The following CACNB2 variants were observed in gnomAD, a reference collection of about 807,000 sequenced individuals.
CACNB2 encodes calcium voltage-gated channel auxiliary subunit beta 2, also known as voltage-dependent L-type calcium channel subunit beta-2.
Under a neutral mutation model 73.3 loss-of-function variants are expected in CACNB2, and 42 were observed. The observed-to-expected ratio is 0.57, with a 90% CI of 0.45 to 0.74. CACNB2 has a LOEUF of 0.74. Among genes scored for constraint, CACNB2 ranks in the 30% least tolerant of loss-of-function variants. CACNB2 has a pLI of 0.00. For missense variants in CACNB2, 940 were observed against 853.0 expected (o/e 1.10, Z -1.27); for synonymous variants, 348 against 310.3 (o/e 1.12, Z -1.28).
chr10:18,221,534 C>T (rs2035793117), intron 2 of CACNB2, among the ~76,000 whole-genome samples: 1 of 152,050 alleles, frequency 6.6e-6, no homozygotes, highest in Non-Finnish European at 1.5e-5. Flanking sequence ...CAAAAGTTAG[C>T]TGGATGTGGT....
chr10:18,177,380 G>A (rs1303717351), intron 2 of CACNB2, among the ~76,000 whole-genome samples: 1 of 151,768 alleles, frequency 6.6e-6, no homozygotes, highest in South Asian at 2.1e-4. Context: ...AGCACTTTGG[G>A]AGGCCAAAGT....
At chr10:18,332,529 C>T (rs969057647) in intron 2 of CACNB2, among the ~76,000 whole-genome samples, 9 of 152,126 alleles carry the variant, frequency 5.9e-5, no homozygotes, top group Non-Finnish European at 1.2e-4. Context: ...CTCGCAGAAA[C>T]AAAGAGTATT....
At chr10:18,291,467 A>G (rs1350994498) in intron 2 of CACNB2, among the ~76,000 whole-genome samples, 1 of 152,200 alleles carries the variant, frequency 6.6e-6, no homozygotes, top group East Asian at 1.9e-4. Context: ...TTGTGGCTAT[A>G]CAGAAGATAA....
At chr10:18,522,889 A>C in intron 9 of CACNB2, among the ~76,000 whole-genome samples, 1 of 68,766 alleles carries the variant, frequency 1.5e-5, no homozygotes, top group East Asian at 3.7e-4. Context: ...AAAAAAAAAA[A>C]AAAAAAAAAA....
intron 2 of CACNB2, among the ~76,000 whole-genome samples, chr10:18,219,316 G>A (rs2035635119): frequency 6.6e-6 from 1 of 152,138 alleles, no homozygotes; most frequent in East Asian, 1.9e-4. Flanking sequence ...TCTGAGGGTG[G>A]GGAATGAAGT....
At chr10:18,368,805 C>T (rs886439420) in intron 2 of CACNB2, among the ~76,000 whole-genome samples, 18 of 151,704 alleles carry the variant, frequency 1.2e-4, no homozygotes, top group African/African-American at 3.1e-4. Flanking sequence ...GTCTTTTTTA[C>T]ATAATTTCAG....
rs567598940 is a variant in CACNB2, at chr10:18,381,782, G to T, written c.214-20142G>T. ...ATAGGATTGTATTAATGAGTGTTGT[G>T]TTCGTATATTACATCATGCTGTACC... On this transcript the variant is annotated intron_variant, in intron 2 of 13. Coordinates refer to ENST00000324631, the MANE Select transcript of CACNB2 (RefSeq NM_201596.3). 4.0e-5 allele frequency among the ~76,000 whole-genome samples: 6 copies of T among 151,786 alleles called. No individual in the cohort carries two copies. The East Asian group carries it at 1.2e-3, about 29-fold the overall frequency.
intron 2 of CACNB2, among the ~76,000 whole-genome samples, chr10:18,230,570 G>A (rs1053561345): frequency 2.0e-5 from 3 of 151,956 alleles, no homozygotes; most frequent in Non-Finnish European, 4.4e-5. Flanking sequence ...ATAGGAATAA[G>A]GAACAAGAAT....
intron 2 of CACNB2, among the ~76,000 whole-genome samples, chr10:18,375,925 A>G (rs117800563): frequency 0.01 from 1,565 of 152,312 alleles, 15 homozygotes; most frequent in Non-Finnish European, 0.017. Flanking sequence ...CACTATAGAG[A>G]ACAGATGGAG....
intron 2 of CACNB2, among the ~76,000 whole-genome samples, chr10:18,246,630 G>T (rs889907707): frequency 6.6e-6 from 1 of 152,218 alleles, no homozygotes; most frequent in South Asian, 2.1e-4. Context: ...ATACAGGCTG[G>T]AGTGCAGTGG....
intron 11 of CACNB2, 40 bp from the exon 12 acceptor site, chr10:18,536,061 T>G (rs1485844134): frequency 8.3e-7 from 1 of 1,200,536 alleles, no homozygotes; most frequent in Non-Finnish European, 1.2e-6. Flanking sequence ...TTTACCTGGA[T>G]GTAGTTATTA....
At chr10:18,314,046 C>T (rs890591637) in intron 2 of CACNB2, among the ~76,000 whole-genome samples, 1 of 152,226 alleles carries the variant, frequency 6.6e-6, no homozygotes, top group African/African-American at 2.4e-5. Flanking sequence ...CACACAGTAA[C>T]TTCAGGCTGT....
At chr10:18,315,510 A>AAAC (rs2040137448) in intron 2 of CACNB2, among the ~76,000 whole-genome samples, 8 of 120,816 alleles carry the variant, frequency 6.6e-5, no homozygotes, top group Non-Finnish European at 1.2e-4. Flanking sequence ...AAAAAAAAAA[A>AAAC]AAAAAAAAAA....
At chr10:18,309,703 C>T (rs150965878) in intron 2 of CACNB2, among the ~76,000 whole-genome samples, 139 of 152,156 alleles carry the variant, frequency 9.1e-4, no homozygotes, top group African/African-American at 3.2e-3. Flanking sequence ...ATGATCCACC[C>T]GCCTCAGCCT....
At chr10:18,217,414 G>A (rs921271911) in intron 2 of CACNB2, among the ~76,000 whole-genome samples, 2 of 152,068 alleles carry the variant, frequency 1.3e-5, no homozygotes, top group East Asian at 1.9e-4. Context: ...AATCCAGGAG[G>A]CAGAGGTTGC....
intron 2 of CACNB2, among the ~76,000 whole-genome samples, chr10:18,227,463 G>A (rs184243898): frequency 2.0e-4 from 31 of 152,304 alleles, no homozygotes; most frequent in Non-Finnish European, 2.5e-4. Flanking sequence ...GGAGGAAAGC[G>A]CAGAGATGGG....
At chr10:18,251,854 G>A (rs2037104365) in intron 2 of CACNB2, among the ~76,000 whole-genome samples, 1 of 152,076 alleles carries the variant, frequency 6.6e-6, no homozygotes, top group African/African-American at 2.4e-5. Context: ...GAAACAGCAA[G>A]GGGGAAATCT....
At chr10:18,241,746 A>T (rs572322338) in intron 2 of CACNB2, among the ~76,000 whole-genome samples, 54 of 152,116 alleles carry the variant, frequency 3.5e-4, no homozygotes, top group Non-Finnish European at 6.8e-4. Flanking sequence ...AATTATTTTT[A>T]TTTATATCTA....
chr10:18,263,689 A>G (rs1052553832), intron 2 of CACNB2, among the ~76,000 whole-genome samples: 1 of 152,212 alleles, frequency 6.6e-6, no homozygotes, highest in Non-Finnish European at 1.5e-5. Flanking sequence ...AAAGAAAGTT[A>G]TACTCATATG....
Sources: allele counts gnomAD v4.1 joint callset (sites outside exome capture counted in the v4.1 genomes callset), GRCh38; gene constraint gnomAD v4.1.1; transcripts MANE v1.5; gene names NCBI Gene and HGNC (gene_info 2026-07-23, HGNC 2026-07-21).